CTNND2: variants seen among roughly 807,000 people sequenced by gnomAD.
CTNND2 encodes catenin delta-2.
Under a neutral mutation model 144.4 loss-of-function variants are expected in CTNND2, and 22 were observed. The ratio of observed to expected loss-of-function variants is 0.15; its 90% CI spans 0.11 to 0.22. The LOEUF (loss-of-function observed/expected upper bound fraction) is 0.22. Ranked by LOEUF, CTNND2 falls within the 10% of genes least tolerant of loss-of-function variation. The pLI, the probability that CTNND2 is intolerant of heterozygous loss-of-function variation, is 1.00. For synonymous variants in CTNND2, 751 were observed against 695.6 expected (o/e 1.08, Z -1.25); for missense variants, 1,353 against 1,618.8 (o/e 0.84, Z 2.82).
intron 11 of CTNND2, among the ~76,000 whole-genome samples, chr5:11,194,431 G>A (rs2149819394): frequency 6.6e-6 from 1 of 152,256 alleles, no homozygotes; most frequent in South Asian, 2.1e-4. Flanking sequence ...CCACAGAGAT[G>A]GATTGTGATG....
chr5:11,662,769 G>A (rs972994432), intron 2 of CTNND2, among the ~76,000 whole-genome samples: 4 of 152,056 alleles, frequency 2.6e-5, no homozygotes, highest in Non-Finnish European at 5.9e-5. Context: ...CTATGAGATG[G>A]GACAGTTTGG....
intron 1 of CTNND2, among the ~76,000 whole-genome samples, chr5:11,847,353 C>T (rs1413734566): frequency 1.3e-5 from 2 of 151,544 alleles, no homozygotes; most frequent in East Asian, 1.9e-4. Flanking sequence ...CAGATGAGGA[C>T]ATTATGTTAA....
At chr5:11,737,427 C>G (rs999730662) in intron 1 of CTNND2, among the ~76,000 whole-genome samples, 6 of 152,174 alleles carry the variant, frequency 3.9e-5, no homozygotes, top group African/African-American at 1.4e-4. Flanking sequence ...TGCAAATACC[C>G]AAGCTGCATT....
intron 9 of CTNND2, among the ~76,000 whole-genome samples, chr5:11,277,011 T>C (rs1161600480): frequency 1.3e-5 from 2 of 152,236 alleles, no homozygotes; most frequent in East Asian, 3.8e-4. Context: ...TTAAACCACA[T>C]ATTTAGTAGT....
Position 11,219,713 on chromosome 5 carries a change from G to A in CTNND2, c.1761+16978C>T, listed in dbSNP as rs149520170. On this transcript the variant is annotated intron_variant, in intron 10 of 21. Coordinates refer to ENST00000304623, the MANE Select transcript of CTNND2 (RefSeq NM_001332.4). ...ATGATGAAATCTGAAGACGAAGGAA[G>A]AGACCACAAGCTAAGGAATGCAGCC... Among the ~76,000 whole-genome samples the A allele has an allele frequency of 9.1e-3, 1,392 of 152,270 alleles. 8 individuals carry two copies. The highest frequency in any genetic ancestry group is 0.015 in the Non-Finnish European group (1,037 of 68,016).
At chr5:11,277,005 A>G (rs577906494) in intron 9 of CTNND2, among the ~76,000 whole-genome samples, 1 of 152,314 alleles carries the variant, frequency 6.6e-6, no homozygotes, top group Non-Finnish European at 1.5e-5. Flanking sequence ...GTTGTTTTAA[A>G]CCACATATTT....
At chr5:11,580,500 G>A (rs1778341804) in intron 2 of CTNND2, among the ~76,000 whole-genome samples, 1 of 152,108 alleles carries the variant, frequency 6.6e-6, no homozygotes, top group Non-Finnish European at 1.5e-5. Flanking sequence ...ATATTGTTAT[G>A]TCTTTTCTAG....
chr5:11,904,288 G>C lies in CTNND2; in HGVS notation c.-435C>G, dbSNP rs1335919268. Reference sequence around the variant, plus strand: ...CGCTCCCGAGCTGCGCCCCGCGCGCGGCCCGCGCCACCTGTGCCGCCGCCG... The same window carrying C: ...CGCTCCCGAGCTGCGCCCCGCGCGCCGCCCGCGCCACCTGTGCCGCCGCCG... On this transcript the variant is annotated 5_prime_UTR_variant, in exon 1 of 22. Coordinates refer to ENST00000304623, the MANE Select transcript of CTNND2 (RefSeq NM_001332.4). The surrounding 1 kb of genome is among the most constrained non-coding windows in gnomAD (Gnocchi z 4.2). Among the ~76,000 whole-genome samples the C allele has an allele frequency of 1.4e-5, 2 of 146,356 alleles. No homozygotes were observed. The highest frequency in any genetic ancestry group is 2.5e-5 in the African/African-American group (1 of 40,800).
intron 16 of CTNND2, among the ~76,000 whole-genome samples, chr5:11,066,265 C>A (rs1207639867): frequency 6.6e-6 from 1 of 152,198 alleles, no homozygotes; most frequent in East Asian, 1.9e-4. Context: ...GTCTCAATCT[C>A]TTGACCTCGT....
chr5:11,866,620 C>T (rs1026345183), intron 1 of CTNND2, among the ~76,000 whole-genome samples: 1 of 152,238 alleles, frequency 6.6e-6, no homozygotes, highest in Admixed American at 6.5e-5. Context: ...GTGTGCAGCA[C>T]AGTGCCTGGC....
In CTNND2 at chr5:11,458,247, A is replaced by G. The variant is rs74513505; in HGVS notation, c.288-46178T>C. Among the ~76,000 whole-genome samples the G allele has an allele frequency of 5.6e-3, 845 of 152,204 alleles. 14 individuals carry two copies. The highest frequency in any genetic ancestry group is 0.019 in the African/African-American group (801 of 41,484). ...CTAAAATATATGACTGTGGATATGT[A>G]AGAGGAAGACAGGCCCAGGGGAACA... is the stretch of plus-strand genomic sequence containing the variant. On this transcript the variant is annotated intron_variant, in intron 3 of 21. Transcript: ENST00000304623.
At chr5:11,425,678 A>C (rs1762720174) in intron 3 of CTNND2, among the ~76,000 whole-genome samples, 1 of 152,176 alleles carries the variant, frequency 6.6e-6, no homozygotes, top group South Asian at 2.1e-4. Context: ...ATTTACACCA[A>C]TCTATCCATT....
intron 11 of CTNND2, among the ~76,000 whole-genome samples, chr5:11,165,805 G>A (rs1036629213): frequency 3.9e-5 from 6 of 151,950 alleles, no homozygotes; most frequent in Admixed American, 2.0e-4. Context: ...ACTTTCATTT[G>A]CTTCTTTATA....
intron 3 of CTNND2, among the ~76,000 whole-genome samples, chr5:11,506,353 T>A (rs1005529191): frequency 2.0e-5 from 3 of 152,192 alleles, no homozygotes; most frequent in Non-Finnish European, 4.4e-5. Flanking sequence ...ATTTAAAAAA[T>A]AAGCAGTATA....
chr5:11,696,212 G>C (rs1404902497), intron 2 of CTNND2, among the ~76,000 whole-genome samples: 2 of 152,228 alleles, frequency 1.3e-5, no homozygotes, highest in African/African-American at 2.4e-5. Context: ...ATAAAGGCAT[G>C]AGTGTGCTGT....
At chr5:11,296,453 T>C (rs1749017728) in intron 9 of CTNND2, among the ~76,000 whole-genome samples, 1 of 152,290 alleles carries the variant, frequency 6.6e-6, no homozygotes, top group East Asian at 1.9e-4. Context: ...GAACTAGAAA[T>C]ACCATTTGAC....
intron 1 of CTNND2, among the ~76,000 whole-genome samples, chr5:11,900,660 A>C (rs1178099811): frequency 6.6e-6 from 1 of 152,252 alleles, no homozygotes; most frequent in Non-Finnish European, 1.5e-5. Context: ...CCAGAAGGCT[A>C]TCAAAGTACT....
intron 2 of CTNND2, among the ~76,000 whole-genome samples, chr5:11,660,307 G>A (rs1013739521): frequency 6.6e-6 from 1 of 152,086 alleles, no homozygotes; most frequent in Non-Finnish European, 1.5e-5. Context: ...AGTATGGTAC[G>A]AGAAAAGTAT....
chr5:11,603,879 A>C (rs571287803), intron 2 of CTNND2, among the ~76,000 whole-genome samples: 27 of 152,296 alleles, frequency 1.8e-4, no homozygotes, highest in Admixed American at 1.5e-3. Flanking sequence ...TCCATATTTG[A>C]TATCTGCTTC....
Sources: gnomAD v4.1 joint callset for allele counts (sites outside exome capture counted in the v4.1 genomes callset) on GRCh38, gnomAD v4.1.1 for gene constraint, Gnocchi (gnomAD v3.1) non-coding constraint, MANE v1.5 for transcripts, NCBI Gene and HGNC (gene_info 2026-07-23, HGNC 2026-07-21) for gene names.